The following CD200 variants were observed in gnomAD, a reference collection of about 807,000 sequenced individuals.
The protein encoded by CD200 is CD200 molecule, also known as OX-2 membrane glycoprotein.
A neutral mutation model predicts 30.9 loss-of-function variants in CD200; 15 were observed. That is an observed-to-expected ratio of 0.49 (90% CI 0.32 to 0.75). The LOEUF (loss-of-function observed/expected upper bound fraction) is 0.75. Among genes scored for constraint, CD200 ranks in the 30% least tolerant of loss-of-function variants. CD200 has a pLI of 0.03. For missense variants in CD200, 262 were observed against 324.2 expected, an observed-to-expected ratio of 0.81 and a Z score of 1.47; for synonymous variants, 134 against 126.2, an observed-to-expected ratio of 1.06 and a Z score of -0.41.
chr3:112,340,078 T>A (rs2081203813), intron 1 of CD200, among the ~76,000 whole-genome samples: 1 of 152,192 alleles, frequency 6.6e-6, no homozygotes, highest in East Asian at 1.9e-4. Context: ...TAAAGTTCAG[T>A]TAAAAACAGA....
chr3:112,339,540 G>T (rs1233338399), intron 1 of CD200, among the ~76,000 whole-genome samples: 1 of 152,220 alleles, frequency 6.6e-6, no homozygotes, highest in Non-Finnish European at 1.5e-5. Flanking sequence ...GACATGGGAA[G>T]TTCAGGAGAG....
intron 2 of CD200, among the ~76,000 whole-genome samples, chr3:112,343,654 A>C (rs532687588): frequency 1.4e-4 from 21 of 152,284 alleles, no homozygotes; most frequent in African/African-American, 5.1e-4. Flanking sequence ...TTGTTTAAAT[A>C]TATTAAATTG....
Position 112,347,578 on chromosome 3 carries a change from C to T in CD200, c.442C>T (p.His148Tyr). The part of the protein sequence containing the change: ...TVYVQPIVSL[H>Y]YKFSEDHLNI... ...CCCAGTACAGCCCATAGTATCCCTT[C>T]ACTACAAATTCTCTGAAGACCACCT... Residue 148 changes from histidine (H) to tyrosine (Y), a missense_variant, in exon 4 of 6, where the codon CAC becomes TAC. Transcript: ENST00000315711. 6.2e-7 allele frequency: 1 copy of T among 1,613,942 alleles called. No individual in the cohort carries two copies. The highest frequency in any genetic ancestry group is 8.5e-7 in the Non-Finnish European group (1 of 1,179,840).
chr3:112,340,963 T>C lies in CD200; in HGVS notation c.74T>C (p.Val25Ala). ...TYSLVWVMAAVVLCTAQVQVV... is the reference protein window; with the variant it reads ...TYSLVWVMAAAVLCTAQVQVV... ...AGCCTGGTTTGGGTCATGGCAGCAG[T>C]GGTGCTGTGCACAGCACAAGGTAAA... is the stretch of plus-strand genomic sequence containing the variant. The change falls in exon 2 of 6, where the codon GTG becomes GCG. Residue 25 changes from valine (V) to alanine (A), a missense_variant. Val to Ala is a moderately conservative substitution (Grantham distance 64). Coordinates refer to ENST00000315711, the MANE Select transcript of CD200 (RefSeq NM_005944.7). The C allele has an allele frequency of 1.2e-6, 2 of 1,611,382 alleles. No homozygotes were observed. The highest frequency in any genetic ancestry group is 1.7e-6 in the Non-Finnish European group (2 of 1,177,518).
At chr3:112,344,164 T>G (rs2081331223) in intron 2 of CD200, among the ~76,000 whole-genome samples, 1 of 152,228 alleles carries the variant, frequency 6.6e-6, no homozygotes. Context: ...GTATTTATTG[T>G]CTTATGATAT....
chr3:112,352,717 A>G (rs1428379441), intron 5 of CD200, among the ~76,000 whole-genome samples: 3 of 152,196 alleles, frequency 2.0e-5, no homozygotes, highest in Non-Finnish European at 4.4e-5. Flanking sequence ...AGTAAGGTCA[A>G]TTCTGTGTTG....
chr3:112,342,376 T>C (rs1275533497), intron 2 of CD200, among the ~76,000 whole-genome samples: 983 of 47,616 alleles, frequency 0.021, 95 homozygotes, highest in East Asian at 0.073. Context: ...TTTCTTTCTT[T>C]CTTTCTTTCT....
intron 5 of CD200, among the ~76,000 whole-genome samples, chr3:112,351,738 G>A (rs2108462290): frequency 6.6e-6 from 1 of 152,212 alleles, no homozygotes; most frequent in East Asian, 1.9e-4. Flanking sequence ...GTTACCTGAG[G>A]CTGGGTAATT....
chr3:112,345,287 T>TAGAC lies in CD200; in HGVS notation c.420_421insAGAC (p.Val141ArgfsTer14). On this transcript the variant is annotated frameshift_variant and splice_region_variant, in exon 3 of 6. Coordinates refer to ENST00000315711, the MANE Select transcript of CD200 (RefSeq NM_005944.7). LOFTEE classifies it high-confidence loss of function. ...CAGGAACGGCCTGCCTCACCGTCTA[T>TAGAC]GGTGAGAATCTCTGAGAATCATTGT... is the stretch of plus-strand genomic sequence containing the variant. 6.2e-7 allele frequency: 1 copy of TAGAC among 1,604,920 alleles called. No homozygotes were observed. The highest frequency in any genetic ancestry group is 8.5e-7 in the Non-Finnish European group (1 of 1,171,918).
chr3:112,338,632 T>C (rs2081172086), intron 1 of CD200, among the ~76,000 whole-genome samples: 1 of 152,176 alleles, frequency 6.6e-6, no homozygotes, highest in South Asian at 2.1e-4. Flanking sequence ...CTCAATGGCT[T>C]TCAGAGATTC....
In CD200 at chr3:112,347,782, G is replaced by A. The variant is rs748502402; in HGVS notation, c.646G>A (p.Val216Met). Residue 216 changes from valine (V) to methionine (M), a missense_variant, in exon 4 of 6, where the codon GTG becomes ATG. Val to Met is a conservative substitution (Grantham distance 21). Transcript: ENST00000315711. Reference protein sequence around the residue: ...NQVGKEVICQVLHLGTVTDFK... With the variant: ...NQVGKEVICQMLHLGTVTDFK... ...GGTGGGGAAGGAGGTGATCTGCCAG[G>A]TGCTGCACCTGGGGACTGTGACCGA... The A allele has an allele frequency of 3.1e-6, 5 of 1,613,882 alleles. No individual in the cohort carries two copies. The South Asian group carries it at 5.5e-5, about 18-fold the overall frequency.
intron 5 of CD200, among the ~76,000 whole-genome samples, chr3:112,359,439 T>C (rs1217688001): frequency 1.3e-5 from 2 of 152,204 alleles, no homozygotes; most frequent in Non-Finnish European, 2.9e-5. Context: ...CACTTAGATT[T>C]CAGAAGATAA....
intron 5 of CD200, among the ~76,000 whole-genome samples, chr3:112,360,871 T>A (rs193158730): frequency 2.2e-4 from 33 of 152,364 alleles, no homozygotes; most frequent in Non-Finnish European, 4.3e-4. Flanking sequence ...AGTGAGTTAT[T>A]ATCCATCAGA....
At chr3:112,349,960 T>C (rs1036247678) in intron 5 of CD200, 141 bp downstream of exon 5, 2 of 1,336,930 alleles carry the variant, frequency 1.5e-6, no homozygotes, top group African/African-American at 1.5e-5. Flanking sequence ...GAAATGTTGA[T>C]ACTGTTTTAA....
chr3:112,354,518 AACAGAT>A (rs1265865801), intron 5 of CD200, among the ~76,000 whole-genome samples: 1 of 152,212 alleles, frequency 6.6e-6, no homozygotes, highest in African/African-American at 2.4e-5. Flanking sequence ...CTTGCCTCTA[AACAGAT>A]ACAAGGCCCT....
At chr3:112,342,942 T>G (rs1362894223) in intron 2 of CD200, among the ~76,000 whole-genome samples, 1 of 152,166 alleles carries the variant, frequency 6.6e-6, no homozygotes, top group South Asian at 2.1e-4. Context: ...AGGTTTTATG[T>G]GTGTTTTGAA....
chr3:112,344,125 C>G (rs988718587), intron 2 of CD200, among the ~76,000 whole-genome samples: 2 of 152,158 alleles, frequency 1.3e-5, no homozygotes, highest in African/African-American at 2.4e-5. Flanking sequence ...TTTTATTACA[C>G]TTATATCATC....
At chr3:112,335,730 A>G (rs371108552) in intron 1 of CD200, 5 of 553,442 alleles carry the variant, frequency 9.0e-6, no homozygotes, top group East Asian at 6.5e-5. Context: ...GGAGATAGTG[A>G]TGGAGACTCC....
chr3:112,342,905 A>C (rs1285973859), intron 2 of CD200, among the ~76,000 whole-genome samples: 1 of 152,142 alleles, frequency 6.6e-6, no homozygotes, highest in African/African-American at 2.4e-5. Flanking sequence ...ACTTTTTTGT[A>C]GCCTATTTTG....
Sources: allele counts gnomAD v4.1 joint callset (sites outside exome capture counted in the v4.1 genomes callset), GRCh38; gene constraint gnomAD v4.1.1; transcripts MANE v1.5; gene names NCBI Gene and HGNC (gene_info 2026-07-23, HGNC 2026-07-21).